The following MYH7B variants were observed in gnomAD, a reference collection of about 807,000 sequenced individuals.
MYH7B encodes the protein myosin heavy chain 7B.
MYH7B carries 205 observed loss-of-function variants against 234.5 expected under a neutral mutation model. That is an observed-to-expected ratio of 0.87 (90% CI 0.78 to 0.98). The LOEUF (loss-of-function observed/expected upper bound fraction) is 0.98, where lower values mean the gene tolerates loss of function less well. Ranked by LOEUF, MYH7B falls within the 50% of genes least tolerant of loss-of-function variation. The pLI, the probability that MYH7B is intolerant of heterozygous loss-of-function variation, is 0.00. For missense variants in MYH7B, 2,652 were observed against 2,633.4 expected (o/e 1.01, Z -0.15); for synonymous variants, 1,193 against 1,105.0 (o/e 1.08, Z -1.58).
At chr20:34,989,985 C>T (rs763055490) in intron 20 of MYH7B, 29 bp from the exon 21 acceptor site, 119 of 1,613,346 alleles carry the variant, frequency 7.4e-5, no homozygotes, top group South Asian at 8.8e-5. Flanking sequence ...GTCTCCCACC[C>T]GGGCTCAGCA....
chr20:35,001,609 A>T, intron 43 of MYH7B, 83 bp downstream of exon 43: 2 of 1,226,578 alleles, frequency 1.6e-6, no homozygotes, highest in Non-Finnish European at 2.3e-6. Flanking sequence ...CATCAGCAGC[A>T]GCTCCACCCT....
rs775610874 is a variant in MYH7B at position 34,991,122 on chromosome 20, G to A, written c.2183+1G>A. 34 of 1,600,290 alleles carry A rather than the reference G, an allele frequency of 2.1e-5. No homozygotes were observed. The highest frequency in any genetic ancestry group is 2.7e-5 in the Non-Finnish European group (32 of 1,171,550). On this transcript the variant is annotated splice_donor_variant, in intron 24 of 44. Coordinates refer to ENST00000262873, the Ensembl canonical transcript of MYH7B. LOFTEE classifies it high-confidence loss of function. ...TGCTCTACACCGACTTCCGGCAGCG[G>A]TGGGTGACCCCTTCCCCCTGCCTGC...
chr20:34,979,468 G>C (rs751485428), exon 6 of MYH7B: 3 of 1,613,838 alleles, frequency 1.9e-6, no homozygotes, highest in Non-Finnish European at 2.5e-6. Flanking sequence ...ACCGGGGGCA[G>C]AGTCACCGTG....
exon 42 of MYH7B, chr20:35,001,347 C>G: frequency 1.2e-6 from 2 of 1,607,008 alleles, no homozygotes; most frequent in Non-Finnish European, 1.7e-6. Context: ...GCTCGCATAC[C>G]AGGTGGGCGA....
exon 39 of MYH7B, chr20:35,000,615 G>C: frequency 6.4e-7 from 1 of 1,573,800 alleles, no homozygotes; most frequent in East Asian, 2.3e-5. Flanking sequence ...CCTGGAGCAG[G>C]GCGAGCGCAG....
chr20:34,958,932 T>C (rs2081666612), intron 2 of MYH7B, among the ~76,000 whole-genome samples: 1 of 152,202 alleles, frequency 6.6e-6, no homozygotes, highest in Non-Finnish European at 1.5e-5. Flanking sequence ...TGCTCAATAA[T>C]ATTTGCTAAC....
Position 34,984,793 on chromosome 20 carries a change from C to T in MYH7B, c.649-61C>T, listed in dbSNP as rs538244295. The T allele has an allele frequency of 7.3e-4, 1,167 of 1,601,322 alleles. 14 individuals are homozygous for T. In the South Asian group the frequency reaches 0.012, roughly 17 times the overall value. On this transcript the variant is annotated intron_variant, in intron 11 of 44. Coordinates refer to ENST00000262873, the Ensembl canonical transcript of MYH7B. The stretch of plus-strand genomic sequence containing the variant: ...TGCACAACAGAGGGGCCACGGGTGG[C>T]TCTGGCCTCCCGGTGGGTAGGCACC...
rs183863579 is a variant in MYH7B at position 34,996,426 on chromosome 20, G to C, written c.3024G>C (p.Glu1008Asp). 121 of 1,613,518 alleles carry C rather than the reference G, an allele frequency of 7.5e-5. No individual in the cohort carries two copies. In the Admixed American group the frequency reaches 1.2e-3, roughly 15 times the overall value. Reference sequence around the variant, plus strand: ...CCAAGGAGAAGAAGGCGTTGCAGGAGGCCCACCAACAGGCCCTGGGTGACC... The same window carrying C: ...CCAAGGAGAAGAAGGCGTTGCAGGACGCCCACCAACAGGCCCTGGGTGACC... The change falls in exon 29 of 45, where the codon GAG becomes GAC. Residue 1008 changes from glutamate (E) to aspartate (D), a missense_variant. Transcript: ENST00000262873.
At chr20:35,001,663 T>C in intron 43 of MYH7B, 137 bp downstream of exon 43, 1 of 839,508 alleles carries the variant, frequency 1.2e-6, no homozygotes, top group Non-Finnish European at 1.9e-6. Flanking sequence ...TTCTAACATC[T>C]CTGGGGAGAT....
chr20:34,997,630 C>G (rs752362056), exon 32 of MYH7B: 1 of 1,613,472 alleles, frequency 6.2e-7, no homozygotes, highest in Non-Finnish European at 8.5e-7. Flanking sequence ...GAGACTCTGA[C>G]CCGCGCCAAG....
chr20:34,984,589 C>G (rs936966463), intron 10 of MYH7B, 103 bp from the exon 11 acceptor site: 1 of 1,014,552 alleles, frequency 9.9e-7, no homozygotes. Context: ...CTAACTCCAC[C>G]CCCCTGTCCT....
intron 33 of MYH7B, 42 bp from the exon 34 acceptor site, chr20:34,998,469 C>T (rs2082304764): frequency 6.2e-7 from 1 of 1,612,692 alleles, no homozygotes; most frequent in African/African-American, 1.3e-5. Flanking sequence ...TTTGGTGCAG[C>T]CCTCACCAGC....
chr20:34,999,034 C>G (rs1003369188), intron 35 of MYH7B, 22 bp from the exon 36 acceptor site: 30 of 1,598,792 alleles, frequency 1.9e-5, no homozygotes, highest in Non-Finnish European at 2.4e-5. Context: ...TGGTCCACAC[C>G]TTGTCTGGTT....
intron 2 of MYH7B, among the ~76,000 whole-genome samples, chr20:34,965,329 G>A (rs766869959): frequency 6.6e-6 from 1 of 152,262 alleles, no homozygotes; most frequent in Non-Finnish European, 1.5e-5. Flanking sequence ...ATCCACTAGA[G>A]CAAAGAAAAG....
intron 24 of MYH7B, 22 bp from the exon 25 acceptor site, chr20:34,993,080 C>T (rs2082185697): frequency 1.2e-6 from 2 of 1,604,276 alleles, no homozygotes; most frequent in Non-Finnish European, 1.7e-6. Context: ...CTCTCCTGAC[C>T]AGCTCTGCCC....
intron 10 of MYH7B, 145 bp downstream of exon 10, chr20:34,982,700 G>A: frequency 1.4e-6 from 1 of 710,390 alleles, no homozygotes; most frequent in Non-Finnish European, 2.2e-6. Context: ...CCCTGGTGGG[G>A]GACTCTGGCC....
At chr20:35,001,574 CCCCAGGGTCTGT>C (rs2082384474) in intron 43 of MYH7B, 48 bp downstream of exon 43, 4 of 1,517,770 alleles carry the variant, frequency 2.6e-6, no homozygotes, top group African/African-American at 2.8e-5. Context: ...CCCAGCTCTG[CCCCAGGGTCTGT>C]GGCCAGGTGA....
At chr20:34,975,778 C>T (rs1044953985) in intron 3 of MYH7B, among the ~76,000 whole-genome samples, 2 of 152,016 alleles carry the variant, frequency 1.3e-5, no homozygotes, top group Non-Finnish European at 2.9e-5. Flanking sequence ...TGCAGTGGTG[C>T]CATCTCCACT....
At chr20:34,963,518 C>T (rs368213900) in intron 2 of MYH7B, among the ~76,000 whole-genome samples, 30 of 152,274 alleles carry the variant, frequency 2.0e-4, no homozygotes, top group Middle Eastern at 3.4e-3. Flanking sequence ...AATAATTTGT[C>T]CCATTCTGTG....
Sources: gnomAD v4.1 joint callset for allele counts (sites outside exome capture counted in the v4.1 genomes callset) on GRCh38, gnomAD v4.1.1 for gene constraint, MANE v1.5 for transcripts, NCBI Gene and HGNC (gene_info 2026-07-23, HGNC 2026-07-21) for gene names.